Variants in FNBP1 observed in about 807,000 individuals in gnomAD.
The protein encoded by FNBP1 is formin binding protein 1.
A neutral mutation model predicts 90.6 loss-of-function variants in FNBP1; 26 were observed. That is an observed-to-expected ratio of 0.29 (90% confidence interval 0.21 to 0.40). The LOEUF (loss-of-function observed/expected upper bound fraction) is 0.40. FNBP1 is among the 10% of genes least tolerant of loss of function. FNBP1 has a pLI of 1.00. For synonymous variants in FNBP1, 260 were observed against 265.2 expected (o/e 0.98, Z 0.19); for missense variants, 635 against 768.0 (o/e 0.83, Z 2.05).
At position 129,942,816 on chromosome 9, in the gene FNBP1, A is replaced by G. The variant is rs545290173; in HGVS notation, c.514-13121T>C. ...TTCAATAGCATTTTATCGGGGTCAC[A>G]TTCATCCTGCCATTTGGCTTTTTTC... is the stretch of plus-strand genomic sequence containing the variant. On this transcript the variant is annotated intron_variant, in intron 6 of 16. Coordinates refer to ENST00000446176, the MANE Select transcript of FNBP1 (RefSeq NM_015033.3). Among the ~76,000 whole-genome samples, 306 of 141,200 alleles carry G rather than the reference A, an allele frequency of 2.2e-3. 1 individual carries two copies. Among genetic ancestry groups the G allele is most frequent in the Middle Eastern group, 0.013 (3 of 226 alleles). The allele number at this position is 141,200 out of a possible 152,430, so 92.6% of individuals were successfully genotyped here. A position where few individuals can be genotyped will look rare whatever the true frequency, so the allele number is the denominator to read the frequency against.
intron 16 of FNBP1, among the ~76,000 whole-genome samples, chr9:129,891,309 A>G (rs1166036191): frequency 6.6e-6 from 1 of 152,118 alleles, no homozygotes; most frequent in Non-Finnish European, 1.5e-5. Context: ...AAAAAATTAA[A>G]AAAAAATTAA....
chr9:129,943,249 G>A (rs956145741), intron 6 of FNBP1, among the ~76,000 whole-genome samples: 2 of 152,192 alleles, frequency 1.3e-5, no homozygotes, highest in Admixed American at 1.3e-4. Context: ...GCAGAATGCA[G>A]GAGCAACTGC....
At chr9:130,017,042 T>C (rs2057308094) in intron 1 of FNBP1, among the ~76,000 whole-genome samples, 1 of 152,046 alleles carries the variant, frequency 6.6e-6, no homozygotes, top group African/African-American at 2.4e-5. Flanking sequence ...GCACAGGAGA[T>C]TGAGACCAGC....
intron 16 of FNBP1, chr9:129,895,581 T>C (rs1426839401): frequency 4.0e-6 from 5 of 1,239,154 alleles, no homozygotes; most frequent in Non-Finnish European, 4.0e-6. Context: ...TTGAATGACA[T>C]AGCTGTAAGT....
intron 4 of FNBP1, among the ~76,000 whole-genome samples, chr9:129,974,752 T>A (rs2050035745): frequency 6.6e-6 from 1 of 151,088 alleles, no homozygotes; most frequent in African/African-American, 2.4e-5. Context: ...CCCAGCTACT[T>A]GGGAAGCTAA....
chr9:130,017,606 G>A (rs141901305), intron 1 of FNBP1, among the ~76,000 whole-genome samples: 10,690 of 152,082 alleles, frequency 0.07, 499 homozygotes, highest in East Asian at 0.15. Context: ...AAGGCAGGAG[G>A]ATCACTTGAG....
chr9:129,894,480 C>T (rs2035437983), intron 16 of FNBP1, among the ~76,000 whole-genome samples: 1 of 152,070 alleles, frequency 6.6e-6, no homozygotes, highest in African/African-American at 2.4e-5. Flanking sequence ...TGATTAAAAG[C>T]AGAAACAAAA....
intron 1 of FNBP1, among the ~76,000 whole-genome samples, chr9:130,028,266 C>A (rs1275366932): frequency 1.3e-5 from 2 of 152,212 alleles, no homozygotes; most frequent in Non-Finnish European, 2.9e-5. Context: ...TGTGAAGTAT[C>A]TCTAAGAAAG....
At chr9:129,932,154 C>A (rs1445628924) in intron 6 of FNBP1, among the ~76,000 whole-genome samples, 1 of 148,346 alleles carries the variant, frequency 6.7e-6, no homozygotes, top group African/African-American at 2.5e-5. Context: ...GAGGTTGCAG[C>A]GAGCCGAGAT....
At position 130,005,989 on chromosome 9, in the gene FNBP1, C is replaced by T. The variant is rs571681202; in HGVS notation, c.25-11031G>A. On this transcript the variant is annotated intron_variant, in intron 1 of 16. Transcript: ENST00000446176. ...TTGAAAATGTCTCCTATAGCAGGAG[C>T]CTGTGAGGTAACTGACAAAAAGGGG... 2.0e-5 allele frequency among the ~76,000 whole-genome samples: 3 copies of T among 151,636 alleles called. No homozygotes were observed. The South Asian group carries it at 6.2e-4, about 32-fold the overall frequency.
At chr9:129,895,642 T>C (rs939904590) in intron 16 of FNBP1, 196 bp downstream of exon 16, 1 of 1,242,274 alleles carries the variant, frequency 8.0e-7, no homozygotes, top group Admixed American at 4.1e-5. Flanking sequence ...TGAAACTTGA[T>C]TACAGCCCAA....
In FNBP1 at chr9:130,042,825, G is replaced by A; in HGVS notation, c.24+127C>T. The stretch of plus-strand genomic sequence containing the variant: ...GCATTGGAACCCCGCCTCCTCCCCA[G>A]GCCGCGAGGACCCCGACCAGCGCGC... On this transcript the variant is annotated intron_variant, in intron 1 of 16. Coordinates refer to ENST00000446176, the MANE Select transcript of FNBP1 (RefSeq NM_015033.3). This position sits in a 1 kb window ranked among gnomAD's most constrained non-coding sequence, Gnocchi z 5.5. The A allele has an allele frequency of 1.8e-6, 1 of 553,308 alleles. No homozygotes were observed. Among genetic ancestry groups the A allele is most frequent in the East Asian group, 3.8e-5 (1 of 26,096 alleles). 34.3% of individuals were successfully genotyped at this position (553,308 alleles called of 1,614,324 possible).
chr9:129,899,830 A>G (rs573999569), intron 15 of FNBP1, 135 bp downstream of exon 15: 664 of 672,378 alleles, frequency 9.9e-4, no homozygotes, highest in Non-Finnish European at 1.4e-3. Context: ...GGGGAAGGGA[A>G]GGTAGGAAGG....
At chr9:129,928,068 A>G (rs1430599694) in intron 7 of FNBP1, among the ~76,000 whole-genome samples, 1 of 152,238 alleles carries the variant, frequency 6.6e-6, no homozygotes, top group African/African-American at 2.4e-5. Flanking sequence ...ACTATAATTT[A>G]CAAGGACTTG....
intron 4 of FNBP1, 90 bp from the exon 5 acceptor site, chr9:129,958,643 T>C: frequency 1.9e-6 from 2 of 1,028,142 alleles, no homozygotes; most frequent in South Asian, 1.4e-5. Context: ...AAACAACATC[T>C]AAATATTGAA....
At chr9:129,962,946 T>C (rs2048036533) in intron 4 of FNBP1, among the ~76,000 whole-genome samples, 1 of 151,820 alleles carries the variant, frequency 6.6e-6, no homozygotes, top group African/African-American at 2.4e-5. Context: ...AACTGTGCCC[T>C]TTTTGGAAGG....
At chr9:130,032,734 G>A (rs1014297093) in intron 1 of FNBP1, among the ~76,000 whole-genome samples, 14 of 151,672 alleles carry the variant, frequency 9.2e-5, no homozygotes, top group Non-Finnish European at 1.9e-4. Flanking sequence ...TGTGACTTCA[G>A]TGGAACTTTT....
chr9:129,908,205 T>TCTC (rs1491588004), intron 12 of FNBP1, among the ~76,000 whole-genome samples: 2 of 11,006 alleles, frequency 1.8e-4, no homozygotes. Flanking sequence ...TCTCTCTCTC[T>TCTC]TTTTTTTTTT....
intron 12 of FNBP1, among the ~76,000 whole-genome samples, chr9:129,907,580 GGTGTGTGTGTGTGTGTGTGT>G (rs55973122): frequency 6.8e-5 from 10 of 147,104 alleles, no homozygotes; most frequent in East Asian, 2.0e-4. Context: ...TAGGAGTGAG[GGTGTGTGTGTGTGTGTGTGT>G]GTGTGTGTGT....
Sources: gnomAD v4.1 joint callset for allele counts (sites outside exome capture counted in the v4.1 genomes callset) on GRCh38, gnomAD v4.1.1 for gene constraint, Gnocchi (gnomAD v3.1) non-coding constraint, MANE v1.5 for transcripts, NCBI Gene and HGNC (gene_info 2026-07-23, HGNC 2026-07-21) for gene names.